Variants in SOX6 observed in about 807,000 individuals in gnomAD.
SOX6 encodes the protein transcription factor SOX-6.
Under a neutral mutation model 97.8 loss-of-function variants are expected in SOX6, and 11 were observed. That is an observed-to-expected ratio of 0.11 (90% CI 0.07 to 0.19). SOX6 has a LOEUF of 0.19. SOX6 is among the 10% of genes least tolerant of loss of function. The pLI, the probability that SOX6 is intolerant of heterozygous loss-of-function variation, is 1.00. For missense variants in SOX6, 810 were observed against 1,039.5 expected, an observed-to-expected ratio of 0.78 and a Z score of 3.04; for synonymous variants, 360 against 371.4, an observed-to-expected ratio of 0.97 and a Z score of 0.35.
At chr11:16,046,975 A>G (rs980805536) in intron 11 of SOX6, among the ~76,000 whole-genome samples, 4 of 152,152 alleles carry the variant, frequency 2.6e-5, no homozygotes, top group South Asian at 2.1e-4. Context: ...CTAGACTCCA[A>G]TTGTATACAT....
chr11:15,973,645 A>G (rs931498498), intron 15 of SOX6, among the ~76,000 whole-genome samples: 2 of 152,236 alleles, frequency 1.3e-5, no homozygotes, highest in Admixed American at 6.5e-5. Context: ...GTAAATGTCT[A>G]CATATTTCCA....
At chr11:16,590,163 CAT>C (rs1262239050) in intron 4 of SOX6, among the ~76,000 whole-genome samples, 1 of 152,114 alleles carries the variant, frequency 6.6e-6, no homozygotes, top group Non-Finnish European at 1.5e-5. Context: ...TTGAAAGACA[CAT>C]AGAAAACTTG....
At chr11:16,113,365 T>C (rs1590204500) in intron 6 of SOX6, among the ~76,000 whole-genome samples, 1 of 152,218 alleles carries the variant, frequency 6.6e-6, no homozygotes, top group South Asian at 2.1e-4. Context: ...GAAACTAGCT[T>C]TGAGCAGCTA....
At chr11:16,632,570 A>G (rs1158586011) in intron 3 of SOX6, among the ~76,000 whole-genome samples, 1 of 152,208 alleles carries the variant, frequency 6.6e-6, no homozygotes, top group Non-Finnish European at 1.5e-5. Context: ...TGAAGGGGCC[A>G]CTATGGGCAG....
At chr11:16,304,799 C>A (rs1273613597) in intron 3 of SOX6, among the ~76,000 whole-genome samples, 2 of 151,980 alleles carry the variant, frequency 1.3e-5, no homozygotes, top group East Asian at 1.9e-4. Flanking sequence ...ACGTGATTTG[C>A]AAAGCAATTC....
intron 2 of SOX6, among the ~76,000 whole-genome samples, chr11:16,718,111 T>C (rs1228484701): frequency 6.6e-6 from 1 of 152,070 alleles, no homozygotes; most frequent in African/African-American, 2.4e-5. Flanking sequence ...GCTTTTTAAA[T>C]GTTAACAGCT....
chr11:16,391,881 T>C lies in SOX6; in HGVS notation c.-4-50629A>G, dbSNP rs186216749. 1.3e-4 allele frequency among the ~76,000 whole-genome samples: 20 copies of C among 151,960 alleles called. 1 individual carries two copies. The highest frequency in any genetic ancestry group is 1.3e-3 in the Admixed American group (20 of 15,276). ...GTAGAAATTTTCTATACTGATTTTA[T>C]ATATTTTAAAAGACACCAGGTTTTG... On this transcript the variant is annotated intron_variant, in intron 1 of 15. Transcript: ENST00000396356.
intron 15 of SOX6, among the ~76,000 whole-genome samples, chr11:15,975,035 G>A (rs1853433879): frequency 6.6e-6 from 1 of 152,160 alleles, no homozygotes; most frequent in African/African-American, 2.4e-5. Context: ...GATACACTAA[G>A]CTCACTGTAT....
chr11:16,267,136 A>AT (rs1043080164), intron 3 of SOX6, among the ~76,000 whole-genome samples: 1 of 151,516 alleles, frequency 6.6e-6, no homozygotes, highest in African/African-American at 2.4e-5. Context: ...CTGGGCAATG[A>AT]TTTTTTAGAT....
chr11:16,140,926 G>A (rs995555406), intron 6 of SOX6, among the ~76,000 whole-genome samples: 4 of 152,096 alleles, frequency 2.6e-5, no homozygotes, highest in African/African-American at 9.7e-5. Context: ...TGGGCACAGT[G>A]GCTCACACTT....
chr11:16,190,308 C>A (rs1851593463), intron 4 of SOX6, among the ~76,000 whole-genome samples: 1 of 152,092 alleles, frequency 6.6e-6, no homozygotes, highest in African/African-American at 2.4e-5. Flanking sequence ...TTTCCTTAAA[C>A]TTGAGGAGTA....
chr11:16,241,719 C>A (rs1389539380), intron 3 of SOX6, among the ~76,000 whole-genome samples: 1 of 151,966 alleles, frequency 6.6e-6, no homozygotes, highest in African/African-American at 2.4e-5. Flanking sequence ...CTGGAACTAT[C>A]TAAAGGCTCT....
chr11:16,692,088 T>TGTGTGC (rs1253258908), intron 3 of SOX6, among the ~76,000 whole-genome samples: 7 of 144,932 alleles, frequency 4.8e-5, no homozygotes, highest in African/African-American at 1.9e-4. Flanking sequence ...TGTGTGTGTG[T>TGTGTGC]GCGCGCGCGC....
At chr11:16,628,620 C>CAA (rs71455891) in intron 3 of SOX6, among the ~76,000 whole-genome samples, 46 of 103,132 alleles carry the variant, frequency 4.5e-4, no homozygotes, top group East Asian at 4.3e-3. Context: ...GACTCCATCT[C>CAA]AAAAAAAAAA....
intron 4 of SOX6, among the ~76,000 whole-genome samples, chr11:16,497,425 G>A (rs1860620066): frequency 6.6e-6 from 1 of 152,134 alleles, no homozygotes; most frequent in East Asian, 1.9e-4. Context: ...CTCCTCCAAA[G>A]GAATGCAGGT....
intron 9 of SOX6, among the ~76,000 whole-genome samples, chr11:16,076,274 G>T (rs1848349229): frequency 6.6e-6 from 1 of 151,786 alleles, no homozygotes; most frequent in African/African-American, 2.4e-5. Flanking sequence ...TCTAATTAAA[G>T]ACCTTCTGCA....
chr11:16,671,424 G>A (rs11499718), intron 3 of SOX6, among the ~76,000 whole-genome samples: 50 of 152,298 alleles, frequency 3.3e-4, no homozygotes, highest in African/African-American at 1.1e-3. Flanking sequence ...GGAGCTGAAG[G>A]ATGAAATAGC....
intron 4 of SOX6, among the ~76,000 whole-genome samples, chr11:16,228,919 G>T (rs2134167884): frequency 6.6e-6 from 1 of 152,224 alleles, no homozygotes; most frequent in South Asian, 2.1e-4. Context: ...ACGTTAATCA[G>T]ATATAAAATT....
At chr11:16,178,358 A>G (rs1414156693) in intron 6 of SOX6, among the ~76,000 whole-genome samples, 1 of 152,026 alleles carries the variant, frequency 6.6e-6, no homozygotes, top group East Asian at 1.9e-4. Flanking sequence ...AGCATCTATC[A>G]TGACTTTTAA....
Sources: gnomAD v4.1 joint callset for allele counts (sites outside exome capture counted in the v4.1 genomes callset) on GRCh38, gnomAD v4.1.1 for gene constraint, MANE v1.5 for transcripts, NCBI Gene and HGNC (gene_info 2026-07-23, HGNC 2026-07-21) for gene names.